The following HIKESHI variants were observed in gnomAD, a reference collection of about 807,000 sequenced individuals.
The protein encoded by HIKESHI is protein Hikeshi.
HIKESHI carries 13 observed loss-of-function variants against 25.7 expected under a neutral mutation model. The ratio of observed to expected loss-of-function variants is 0.51; its 90% confidence interval spans 0.33 to 0.80. HIKESHI has a LOEUF of 0.80. Ranked by LOEUF, HIKESHI falls within the 30% of genes least tolerant of loss-of-function variation. HIKESHI has a pLI of 0.02. For synonymous variants in HIKESHI, 76 were observed against 78.7 expected (o/e 0.97, Z 0.18); for missense variants, 174 against 229.5 (o/e 0.76, Z 1.56).
At chr11:86,317,616 C>A (rs1475407367) in intron 2 of HIKESHI, among the ~76,000 whole-genome samples, 2 of 151,934 alleles carry the variant, frequency 1.3e-5, no homozygotes, top group Non-Finnish European at 2.9e-5. Context: ...ACCAGCCTGG[C>A]CAATATGGTG....
At chr11:86,316,354 A>T (rs1049964916) in intron 2 of HIKESHI, among the ~76,000 whole-genome samples, 6 of 151,978 alleles carry the variant, frequency 3.9e-5, no homozygotes, top group African/African-American at 1.5e-4. Flanking sequence ...TCCACTAAAA[A>T]TACAAAAATT....
chr11:86,314,422 C>T (rs1316997894), intron 2 of HIKESHI, among the ~76,000 whole-genome samples: 1 of 152,052 alleles, frequency 6.6e-6, no homozygotes, highest in Non-Finnish European at 1.5e-5. Flanking sequence ...CAAGACCAGC[C>T]TAAACAACAT....
At chr11:86,302,717 G>A (rs1367813976) in intron 1 of HIKESHI, among the ~76,000 whole-genome samples, 1 of 152,220 alleles carries the variant, frequency 6.6e-6, no homozygotes, top group Non-Finnish European at 1.5e-5. Context: ...TTTGTACCAA[G>A]TACTGGGCTA....
intron 2 of HIKESHI, among the ~76,000 whole-genome samples, chr11:86,328,925 T>TGC (rs1256740164): frequency 2.8e-5 from 4 of 144,498 alleles, no homozygotes; most frequent in African/African-American, 5.1e-5. Flanking sequence ...TGTGTGTGTG[T>TGC]GTGCGCGCAC....
chr11:86,341,095 T>A (rs1947713036), intron 3 of HIKESHI, among the ~76,000 whole-genome samples: 1 of 152,222 alleles, frequency 6.6e-6, no homozygotes, highest in Admixed American at 6.5e-5. Flanking sequence ...AGAAAAAACC[T>A]TGCTTAAAAT....
intron 2 of HIKESHI, among the ~76,000 whole-genome samples, chr11:86,333,483 C>T (rs910452506): frequency 4.0e-5 from 6 of 151,146 alleles, no homozygotes; most frequent in Non-Finnish European, 8.8e-5. Context: ...TGCAGTGAGC[C>T]AAGATCGTCC....
At chr11:86,335,426 ATTC>A (rs1417417029) in intron 2 of HIKESHI, among the ~76,000 whole-genome samples, 3 of 152,208 alleles carry the variant, frequency 2.0e-5, no homozygotes, top group Non-Finnish European at 2.9e-5. Context: ...TCTCTGACAT[ATTC>A]TTGGTAATCT....
chr11:86,330,481 C>G (rs941130196), intron 2 of HIKESHI, among the ~76,000 whole-genome samples: 1 of 152,178 alleles, frequency 6.6e-6, no homozygotes, highest in Admixed American at 6.5e-5. Flanking sequence ...TTTAGATACT[C>G]TGCATATTTT....
At chr11:86,324,762 G>A (rs1242745485) in intron 2 of HIKESHI, among the ~76,000 whole-genome samples, 2 of 152,158 alleles carry the variant, frequency 1.3e-5, no homozygotes, top group African/African-American at 4.8e-5. Context: ...CAGGGTTAGG[G>A]AGAGGCTTGC....
chr11:86,324,018 G>C (rs1203905438), intron 2 of HIKESHI: 1 of 152,010 alleles, frequency 6.6e-6, no homozygotes, highest in East Asian at 1.9e-4. Context: ...TTTAAGAGAT[G>C]TGGTCTCACT....
chr11:86,313,224 A>T (rs548332962), intron 2 of HIKESHI, among the ~76,000 whole-genome samples: 4 of 152,186 alleles, frequency 2.6e-5, no homozygotes, highest in Admixed American at 1.3e-4. Flanking sequence ...CTTTTTAAAA[A>T]TTTTTAATTA....
At chr11:86,319,456 C>T (rs1008493762) in intron 2 of HIKESHI, among the ~76,000 whole-genome samples, 1 of 150,280 alleles carries the variant, frequency 6.7e-6, no homozygotes, top group African/African-American at 2.5e-5. Context: ...GGGGTTTTGC[C>T]ATGCTGCCCA....
rs1435175579 is a variant in HIKESHI at position 86,319,239 on chromosome 11, TA to T, written c.268+12758del. On this transcript the variant is annotated intron_variant, in intron 2 of 4. Coordinates refer to ENST00000278483, the MANE Select transcript of HIKESHI (RefSeq NM_016401.4). The stretch of plus-strand genomic sequence containing the variant: ...AAAAATATATATATATATATATATA[TA>T]TATTTTTTTTTTTTTTGAGACCAGT... Among the ~76,000 whole-genome samples, 178 of 95,430 alleles carry T rather than the reference TA, an allele frequency of 1.9e-3. 2 individuals are homozygous for T. In the South Asian group the frequency reaches 0.021, roughly 11 times the overall value. 62.6% of individuals were successfully genotyped at this position (95,430 alleles called of 152,430 possible).
rs1946643984 is a variant in HIKESHI, at chr11:86,307,010, A to AT, written c.268+528_268+529insT. ...GCGAGACTCTGTCTCAAAGAAAAAA[A>AT]AAATATATATATATATATAAATATA... On this transcript the variant is annotated intron_variant, in intron 2 of 4. Coordinates refer to ENST00000278483, the MANE Select transcript of HIKESHI (RefSeq NM_016401.4). Among the ~76,000 whole-genome samples, 8 of 142,012 alleles carry AT rather than the reference A, an allele frequency of 5.6e-5. No individual in the cohort carries two copies. The Admixed American group carries it at 6.4e-4, about 11-fold the overall frequency. The allele number at this position is 142,012 out of a possible 152,430, so 93.2% of individuals were successfully genotyped here. A position where few individuals can be genotyped will look rare whatever the true frequency, so the allele number is the denominator to read the frequency against.
chr11:86,320,537 T>C (rs1181224298), intron 2 of HIKESHI, among the ~76,000 whole-genome samples: 1 of 152,192 alleles, frequency 6.6e-6, no homozygotes, highest in African/African-American at 2.4e-5. Context: ...GATCGTGCCA[T>C]TGCACTCCAG....
intron 2 of HIKESHI, among the ~76,000 whole-genome samples, chr11:86,315,406 C>T (rs1030675454): frequency 1.1e-4 from 16 of 152,180 alleles, no homozygotes; most frequent in African/African-American, 3.6e-4. Context: ...CCACAACCTC[C>T]GCCTCCTGGG....
intron 2 of HIKESHI, among the ~76,000 whole-genome samples, chr11:86,329,829 T>C (rs958950660): frequency 3.3e-5 from 5 of 152,108 alleles, no homozygotes; most frequent in African/African-American, 1.2e-4. Context: ...TCTTATAGTG[T>C]TTACATGCTA....
chr11:86,308,795 C>T (rs1382005460), intron 2 of HIKESHI, among the ~76,000 whole-genome samples: 1 of 151,928 alleles, frequency 6.6e-6, no homozygotes, highest in Non-Finnish European at 1.5e-5. Flanking sequence ...GTTCAATTCC[C>T]ACCTATGAGT....
chr11:86,337,640 A>T, intron 3 of HIKESHI, 110 bp downstream of exon 3: 1 of 1,171,010 alleles, frequency 8.5e-7, no homozygotes, highest in Non-Finnish European at 1.2e-6. Context: ...TTTTTGATAC[A>T]TGTTTACATT....
Sources: allele counts gnomAD v4.1 joint callset (sites outside exome capture counted in the v4.1 genomes callset), GRCh38; gene constraint gnomAD v4.1.1; transcripts MANE v1.5; gene names NCBI Gene and HGNC (gene_info 2026-07-23, HGNC 2026-07-21).